The following PALD1 variants were observed in gnomAD, a reference collection of about 807,000 sequenced individuals.
PALD1 encodes the protein paladin.
In PALD1, 57 loss-of-function variants were observed where a neutral mutation model predicts 96.0. That is an observed-to-expected ratio of 0.59 (90% CI 0.48 to 0.74). The LOEUF is 0.74. PALD1 is among the 30% of genes least tolerant of loss of function. The pLI is 0.00. For synonymous variants in PALD1, 464 were observed against 473.6 expected (o/e 0.98, Z 0.26); for missense variants, 1,063 against 1,143.7 (o/e 0.93, Z 1.02).
rs149538115 is a variant in PALD1, at chr10:70,534,827, C to T, written c.1211C>T (p.Pro404Leu). The T allele has an allele frequency of 1.5e-4, 249 of 1,610,270 alleles. No homozygotes were observed. Among genetic ancestry groups the T allele is most frequent in the Middle Eastern group, 8.2e-4 (5 of 6,062 alleles). ...CAGAAGAAGTTAGAAGGTATCCGACCGGAGAGCCCAGCCCAGGTGAGGCAT... is the reference window on the plus strand; with the variant it reads ...CAGAAGAAGTTAGAAGGTATCCGACTGGAGAGCCCAGCCCAGGTGAGGCAT... Reference protein sequence around the residue: ...ENQKKLEGIRPESPAQGSGSR... With the variant: ...ENQKKLEGIRLESPAQGSGSR... Residue 404 changes from proline to leucine, a missense_variant, in exon 10 of 20, where the codon CCG (proline) becomes CTG (leucine). Transcript: ENST00000263563.
At chr10:70,499,758 T>C (rs60027450) in intron 1 of PALD1, among the ~76,000 whole-genome samples, 6,620 of 152,254 alleles carry the variant, frequency 0.043, 474 homozygotes, top group African/African-American at 0.15. Context: ...TTGTGGGTTT[T>C]GTTTTGCCTG....
Position 70,566,751 on chromosome 10 carries a change from C to A in PALD1, c.*18C>A, listed in dbSNP as rs755344466. ...TGCTGTAGGGGGCCTTACTCCCTGT[C>A]CCCCCACCCACAGGGCCCCACGCAG... On this transcript the variant is annotated 3_prime_UTR_variant, in exon 20 of 20. Transcript: ENST00000263563. The A allele has an allele frequency of 9.8e-6, 15 of 1,538,196 alleles. No homozygotes were observed. The African/African-American group carries it at 1.6e-4, about 17-fold the overall frequency.
chr10:70,553,160 T>G (rs2132426562), intron 18 of PALD1, among the ~76,000 whole-genome samples: 1 of 152,320 alleles, frequency 6.6e-6, no homozygotes, highest in Admixed American at 6.5e-5. Flanking sequence ...AATGGTGATC[T>G]GCTGGCTCTC....
Position 70,539,283 on chromosome 10 carries a change from G to A in PALD1, c.1725+36G>A, listed in dbSNP as rs1201511526. On this transcript the variant is annotated intron_variant, in intron 14 of 19. Transcript: ENST00000263563. This position sits in a 1 kb window ranked among gnomAD's most constrained non-coding sequence, Gnocchi z 4.5. ...CTGCCCTCTAGGCACCCCTGCCTCC[G>A]AGGCTTCTGGGGAGTGGCCTGGGAG... 11 of 1,573,958 alleles carry A rather than the reference G, an allele frequency of 7.0e-6. No individual in the cohort carries two copies. Among genetic ancestry groups the A allele is most frequent in the Admixed American group, 3.6e-5 (2 of 55,448 alleles).
At chr10:70,543,529 T>G (rs1847297311) in intron 17 of PALD1, among the ~76,000 whole-genome samples, 2 of 152,172 alleles carry the variant, frequency 1.3e-5, no homozygotes, top group Non-Finnish European at 2.9e-5. Context: ...GTTTAGGTCT[T>G]TGATCCATTT....
At chr10:70,497,966 G>T (rs1346105162) in intron 1 of PALD1, among the ~76,000 whole-genome samples, 1 of 152,102 alleles carries the variant, frequency 6.6e-6, no homozygotes, top group Non-Finnish European at 1.5e-5. Context: ...GTTTAAAATT[G>T]TATAATTTAA....
At chr10:70,488,586 G>GT (rs1197768950) in intron 1 of PALD1, among the ~76,000 whole-genome samples, 3 of 152,078 alleles carry the variant, frequency 2.0e-5, no homozygotes, top group African/African-American at 4.8e-5. Context: ...AATTTGTGTG[G>GT]TTTTTTATTT....
chr10:70,521,696 TA>T (rs1333246955), intron 1 of PALD1, among the ~76,000 whole-genome samples: 4 of 29,754 alleles, frequency 1.3e-4, no homozygotes, highest in Non-Finnish European at 4.3e-4. Context: ...CATGCCCGGC[TA>T]ATTTTTTTTT....
chr10:70,476,611 A>G (rs1458225676), upstream of PALD1, among the ~76,000 whole-genome samples: 1 of 152,142 alleles, frequency 6.6e-6, no homozygotes, highest in East Asian at 1.9e-4. Flanking sequence ...CTACCAGCTG[A>G]ACCCTGAGGC....
chr10:70,492,448 CTTTTTTTTTT>C (rs1157960799), intron 1 of PALD1, among the ~76,000 whole-genome samples: 319 of 80,178 alleles, frequency 4.0e-3, no homozygotes, highest in African/African-American at 0.012. Flanking sequence ...GCATTTTTGA[CTTTTTTTTTT>C]TTTTTTTTTT....
At chr10:70,518,558 C>T (rs542023834) in intron 1 of PALD1, among the ~76,000 whole-genome samples, 8 of 152,254 alleles carry the variant, frequency 5.3e-5, no homozygotes, top group East Asian at 3.9e-4. Flanking sequence ...GACATGATCC[C>T]GAACATCTAT....
At chr10:70,546,123 G>A (rs1847357609) in intron 17 of PALD1, among the ~76,000 whole-genome samples, 1 of 152,016 alleles carries the variant, frequency 6.6e-6, no homozygotes, top group South Asian at 2.1e-4. Flanking sequence ...TGTAATCCCA[G>A]CTACTCGGGA....
the PALD1 span, among the ~76,000 whole-genome samples, chr10:70,469,407 G>A: frequency 1.3e-5 from 2 of 149,748 alleles, no homozygotes; most frequent in South Asian, 4.1e-4. Flanking sequence ...CTGCTGGACC[G>A]TGAATGCTTA....
Position 70,564,346 on chromosome 10 carries a change from C to T in PALD1, c.2263-18C>T. 6.2e-7 allele frequency: 1 copy of T among 1,607,666 alleles called. No individual in the cohort carries two copies. The highest frequency in any genetic ancestry group is 2.2e-5 in the East Asian group (1 of 44,866). ...CACGGATCCCCCCACACTGACCCCA[C>T]CCTGTCCTGTCCTCCAGGCGAAGGC... On this transcript the variant is annotated intron_variant, in intron 18 of 19. Coordinates refer to ENST00000263563, the MANE Select transcript of PALD1 (RefSeq NM_014431.3).
intron 1 of PALD1, among the ~76,000 whole-genome samples, chr10:70,498,931 A>G (rs1232776426): frequency 1.4e-5 from 1 of 70,154 alleles, no homozygotes; most frequent in Non-Finnish European, 3.3e-5. Context: ...TTTATCTCAG[A>G]AAAAAAAAAA....
chr10:70,531,483 C>A, intron 5 of PALD1, 29 bp downstream of exon 5: 1 of 1,589,326 alleles, frequency 6.3e-7, no homozygotes, highest in South Asian at 1.1e-5. Context: ...TGCGGGAGAC[C>A]CCAGCCCACA....
intron 1 of PALD1, among the ~76,000 whole-genome samples, chr10:70,483,336 C>T (rs1845966058): frequency 6.6e-6 from 1 of 152,160 alleles, no homozygotes; most frequent in Non-Finnish European, 1.5e-5. Context: ...GGTGCCCCTG[C>T]CTGGGCTGAA....
intron 4 of PALD1, 58 bp downstream of exon 4, chr10:70,530,126 C>T: frequency 7.1e-7 from 1 of 1,402,156 alleles, no homozygotes; most frequent in Non-Finnish European, 9.6e-7. Flanking sequence ...AGAGGGGCAC[C>T]TTGGAGGGGC....
chr10:70,532,374 T>C (rs1847010052), intron 5 of PALD1, among the ~76,000 whole-genome samples: 1 of 152,198 alleles, frequency 6.6e-6, no homozygotes, highest in Non-Finnish European at 1.5e-5. Flanking sequence ...CTGGCACTGG[T>C]GGCTTTGTGA....
Sources: gnomAD v4.1 joint callset for allele counts (sites outside exome capture counted in the v4.1 genomes callset) on GRCh38, gnomAD v4.1.1 for gene constraint, Gnocchi (gnomAD v3.1) non-coding constraint, MANE v1.5 for transcripts, NCBI Gene and HGNC (gene_info 2026-07-23, HGNC 2026-07-21) for gene names.